Variants in UBA6 observed in about 807,000 individuals in gnomAD.
The protein encoded by UBA6 is ubiquitin like modifier activating enzyme 6, also known as ubiquitin-like modifier-activating enzyme 6.
In UBA6, 87 loss-of-function variants were observed where a neutral mutation model predicts 148.3. That is an observed-to-expected ratio of 0.59 (90% CI 0.49 to 0.70). The LOEUF (loss-of-function observed/expected upper bound fraction) is 0.70. UBA6 is among the 30% of genes least tolerant of loss of function. The pLI, the probability that UBA6 is intolerant of heterozygous loss-of-function variation, is 0.00. For synonymous variants in UBA6, 376 were observed against 401.0 expected (o/e 0.94, Z 0.75); for missense variants, 1,186 against 1,241.2 (o/e 0.96, Z 0.67).
At chr4:67,628,086 T>C (rs1289448119) in intron 27 of UBA6, among the ~76,000 whole-genome samples, 4 of 151,748 alleles carry the variant, frequency 2.6e-5, no homozygotes, top group Admixed American at 6.6e-5. Context: ...CCACATTTAG[T>C]AGGATACATT....
At chr4:67,674,585 G>C (rs149655964) in intron 6 of UBA6, among the ~76,000 whole-genome samples, 147 of 152,238 alleles carry the variant, frequency 9.7e-4, no homozygotes, top group Admixed American at 2.9e-3. Context: ...TATGCACTGA[G>C]TAATAAACTT....
At chr4:67,684,612 A>G (rs1730515285) in intron 2 of UBA6, among the ~76,000 whole-genome samples, 1 of 151,976 alleles carries the variant, frequency 6.6e-6, no homozygotes, top group Non-Finnish European at 1.5e-5. Context: ...TCCTGAAAAG[A>G]ATGTGGATTC....
intron 13 of UBA6, among the ~76,000 whole-genome samples, chr4:67,652,554 G>C (rs549264598): frequency 6.6e-6 from 1 of 152,276 alleles, no homozygotes; most frequent in African/African-American, 2.4e-5. Context: ...ACATGGTCTT[G>C]GTCCTCCCAG....
chr4:67,663,310 T>G, intron 11 of UBA6, 95 bp from the exon 12 acceptor site: 1 of 770,740 alleles, frequency 1.3e-6, no homozygotes, highest in Non-Finnish European at 2.1e-6. Flanking sequence ...TTAACCATCA[T>G]AATAAACACA....
chr4:67,644,748 A>G lies in UBA6; in HGVS notation c.1426T>C (p.Leu476=), dbSNP rs1560484946. 6.2e-7 allele frequency: 1 copy of G among 1,611,164 alleles called. No individual in the cohort carries two copies. Among genetic ancestry groups the G allele is most frequent in the Admixed American group, 1.7e-5 (1 of 60,002 alleles). The change falls in exon 17 of 33, where the codon TTG becomes CTG. Residue 476 remains leucine, a synonymous_variant. Coordinates refer to ENST00000322244, the MANE Select transcript of UBA6 (RefSeq NM_018227.6). ...ACACCAAGTAAAGCAAAATTTTTCA[A>G]CATTTCACAGCCTATGGCTCCACAC... is the stretch of plus-strand genomic sequence containing the variant. The part of the protein sequence containing the change: ...VGCGAIGCEM[L]KNFALLGVGT...
At chr4:67,635,757 G>A (rs1729124625) in intron 19 of UBA6, among the ~76,000 whole-genome samples, 199 bp from the exon 20 acceptor site, 1 of 152,062 alleles carries the variant, frequency 6.6e-6, no homozygotes, top group Admixed American at 6.5e-5. Flanking sequence ...ACATCTAGTA[G>A]TACCCTAAAT....
chr4:67,694,297 A>AAAAC (rs71219067), intron 2 of UBA6, among the ~76,000 whole-genome samples: 3 of 149,110 alleles, frequency 2.0e-5, no homozygotes, highest in East Asian at 1.9e-4. Context: ...AAAAAAAAAA[A>AAAAC]CCCTCAAACA....
rs1686657765 is a variant in UBA6 at position 67,615,015 on chromosome 4, C to T, written c.*3982G>A. On this transcript the variant is annotated 3_prime_UTR_variant, in exon 33 of 33. Coordinates refer to ENST00000322244, the MANE Select transcript of UBA6 (RefSeq NM_018227.6). ...CTTCAATGAGATACAATTGCACATC[C>T]ACCAGATTGGCAAAATTAAAAACAA... 1.3e-5 allele frequency: 2 copies of T among 152,184 alleles called. No homozygotes were observed. The highest frequency in any genetic ancestry group is 2.1e-4 in the South Asian group (1 of 4,836). 9.4% of individuals were successfully genotyped at this position (152,184 alleles called of 1,614,324 possible).
chr4:67,661,103 C>T (rs1168659624), intron 13 of UBA6, among the ~76,000 whole-genome samples: 1 of 152,174 alleles, frequency 6.6e-6, no homozygotes, highest in Non-Finnish European at 1.5e-5. Context: ...TCTGATTTTA[C>T]AGGCTCATAG....
In UBA6 at chr4:67,694,215, C is replaced by CAAAAAAAAAAAAAAAAAAAAAAAAAAA. The variant is rs769649769; in HGVS notation, c.134+2403_134+2429dup. Reference sequence around the variant, plus strand: ...TGGATGACAGAGCAAGACTCCATCTCAAAAAAAAAAAAAAAAAAAAAAAAA... The same window carrying CAAAAAAAAAAAAAAAAAAAAAAAAAAA: ...TGGATGACAGAGCAAGACTCCATCTCAAAAAAAAAAAAAAAAAAAAAAAAAAAAAAAAAAAAAAAAAAAAAAAAAAAA... On this transcript the variant is annotated intron_variant, in intron 2 of 32. Transcript: ENST00000322244. Among the ~76,000 whole-genome samples the CAAAAAAAAAAAAAAAAAAAAAAAAAAA allele has an allele frequency of 1.2e-4, 5 of 41,852 alleles. 1 individual carries two copies. The highest frequency in any genetic ancestry group is 4.8e-4 in the Admixed American group (1 of 2,062). The allele number at this position is 41,852 out of a possible 152,430, so 27.5% of individuals were successfully genotyped here. A position where few individuals can be genotyped will look rare whatever the true frequency, so the allele number is the denominator to read the frequency against.
At chr4:67,700,529 G>A (rs553980142) in intron 1 of UBA6, among the ~76,000 whole-genome samples, 39 of 128,126 alleles carry the variant, frequency 3.0e-4, no homozygotes, top group African/African-American at 1.1e-3. Context: ...TTTTTTCCTG[G>A]CTTTTTTTTT....
At chr4:67,683,266 A>G (rs1426296599) in intron 2 of UBA6, among the ~76,000 whole-genome samples, 1 of 152,214 alleles carries the variant, frequency 6.6e-6, no homozygotes, top group East Asian at 1.9e-4. Flanking sequence ...TAATATACTT[A>G]GGTTTTACCT....
At chr4:67,623,610 T>C (rs1560476428) in intron 30 of UBA6, among the ~76,000 whole-genome samples, 2 of 152,196 alleles carry the variant, frequency 1.3e-5, no homozygotes, top group African/African-American at 4.8e-5. Flanking sequence ...TGCAAATATA[T>C]AGTTTGAGAC....
chr4:67,700,651 A>ACAAAAGAGGATCT (rs1353390486), intron 1 of UBA6, among the ~76,000 whole-genome samples: 1 of 152,054 alleles, frequency 6.6e-6, no homozygotes, highest in African/African-American at 2.4e-5. Context: ...GTGGAGGTGC[A>ACAAAAGAGGATCT]CAGTGGCGCT....
chr4:67,618,626 T>G lies in UBA6; in HGVS notation c.*371A>C, dbSNP rs1397783283. ...TAAACAAAAAAGAAATTCATAAAAT[T>G]AAACTTTTTGAATAGTTGCATTCGT... is the stretch of plus-strand genomic sequence containing the variant. On this transcript the variant is annotated 3_prime_UTR_variant, in exon 33 of 33. Coordinates refer to ENST00000322244, the MANE Select transcript of UBA6 (RefSeq NM_018227.6). 6.3e-6 allele frequency: 1 copy of G among 158,254 alleles called. No homozygotes were observed. The highest frequency in any genetic ancestry group is 2.4e-5 in the African/African-American group (1 of 41,700). 9.8% of individuals were successfully genotyped at this position (158,254 alleles called of 1,614,324 possible).
intron 7 of UBA6, among the ~76,000 whole-genome samples, chr4:67,673,158 C>T (rs142998878): frequency 2.3e-4 from 35 of 152,040 alleles, no homozygotes; most frequent in African/African-American, 3.1e-4. Context: ...ACCATCATAA[C>T]GACATTTAAA....
chr4:67,696,737 T>A (rs781158402), intron 1 of UBA6, 30 bp from the exon 2 acceptor site: 38 of 1,544,780 alleles, frequency 2.5e-5, no homozygotes, highest in Non-Finnish European at 3.2e-5. Context: ...TATTAAATAT[T>A]CACATTTTAT....
In UBA6 at chr4:67,617,170, A is replaced by G. The variant is rs1190135460; in HGVS notation, c.*1827T>C. 3 of 152,162 alleles carry G rather than the reference A, an allele frequency of 2.0e-5. No individual in the cohort carries two copies. Among genetic ancestry groups the G allele is most frequent in the African/African-American group, 7.2e-5 (3 of 41,472 alleles). The allele number at this position is 152,162 out of a possible 1,614,324, so 9.4% of individuals were successfully genotyped here. On this transcript the variant is annotated 3_prime_UTR_variant, in exon 33 of 33. Coordinates refer to ENST00000322244, the MANE Select transcript of UBA6 (RefSeq NM_018227.6). ...CTTCTGAAGAGCTGTCGAGACTTCA[A>G]TAAAATATAAGCAAGTTACTGGATC... is the stretch of plus-strand genomic sequence containing the variant.
At chr4:67,653,659 C>T (rs985279979) in intron 13 of UBA6, among the ~76,000 whole-genome samples, 8 of 151,970 alleles carry the variant, frequency 5.3e-5, no homozygotes, top group Admixed American at 2.0e-4. Context: ...TCGCCAGCAA[C>T]GGAACAAAAC....
Sources: gnomAD v4.1 joint callset for allele counts (sites outside exome capture counted in the v4.1 genomes callset) on GRCh38, gnomAD v4.1.1 for gene constraint, MANE v1.5 for transcripts, NCBI Gene and HGNC (gene_info 2026-07-23, HGNC 2026-07-21) for gene names.